TBC1D32: variants seen among roughly 807,000 people sequenced by gnomAD.
TBC1D32 encodes the protein protein broad-minded.
A neutral mutation model predicts 170.3 loss-of-function variants in TBC1D32; 151 were observed. The ratio of observed to expected loss-of-function variants is 0.89; its 90% CI spans 0.78 to 1.01. The LOEUF (loss-of-function observed/expected upper bound fraction) is 1.01, where lower values mean the gene tolerates loss of function less well. Ranked by LOEUF, TBC1D32 falls within the 50% of genes least tolerant of loss-of-function variation. The probability of loss-of-function intolerance (pLI) is 0.00; values close to 1 mark genes in which losing one functional copy is unlikely to be tolerated. For missense variants in TBC1D32, 1,464 were observed against 1,457.1 expected (o/e 1.00, Z -0.08); for synonymous variants, 498 against 488.0 (o/e 1.02, Z -0.27).
At chr6:121,249,064 C>T (rs989704145) in intron 17 of TBC1D32, among the ~76,000 whole-genome samples, 1 of 151,752 alleles carries the variant, frequency 6.6e-6, no homozygotes, top group Non-Finnish European at 1.5e-5. Flanking sequence ...ATAATACTTG[C>T]TAATCAAATC....
intron 21 of TBC1D32, among the ~76,000 whole-genome samples, chr6:121,216,185 C>T (rs901094208): frequency 8.5e-5 from 13 of 152,154 alleles, no homozygotes; most frequent in African/African-American, 2.7e-4. Flanking sequence ...ATAAAGCAGG[C>T]AGAAAAACAT....
intron 26 of TBC1D32, among the ~76,000 whole-genome samples, chr6:121,122,701 T>C (rs1780394776): frequency 1.3e-5 from 2 of 152,138 alleles, no homozygotes; most frequent in Non-Finnish European, 2.9e-5. Flanking sequence ...ACTTACTGAA[T>C]ATTCTACTTA....
chr6:121,207,321 G>C (rs1792405665), intron 21 of TBC1D32, among the ~76,000 whole-genome samples: 1 of 152,098 alleles, frequency 6.6e-6, no homozygotes, highest in South Asian at 2.1e-4. Flanking sequence ...ATATAATGCA[G>C]AGCTCAAACT....
chr6:121,325,485 C>G (rs1320153610), intron 1 of TBC1D32, among the ~76,000 whole-genome samples: 1 of 152,150 alleles, frequency 6.6e-6, no homozygotes, highest in Non-Finnish European at 1.5e-5. Flanking sequence ...GTAAAACCAT[C>G]TGATCTTTGA....
Position 121,131,673 on chromosome 6 carries a change from T to C in TBC1D32, c.2853A>G (p.Gln951=). The change falls in exon 25 of 32, where the codon CAA becomes CAG. Residue 951 remains glutamine, a synonymous_variant. Transcript: ENST00000398212. The stretch of plus-strand genomic sequence containing the variant: ...GTTTGGCTTTCATCATTTTGCAAAA[T>C]TGTCTTTGGCAGTTTTCTATCCATT... ...QTEWIENCQR[Q]FCKMMKAKPD... The C allele has an allele frequency of 2.5e-6, 4 of 1,611,868 alleles. No homozygotes were observed. The highest frequency in any genetic ancestry group is 3.4e-6 in the Non-Finnish European group (4 of 1,178,818).
intron 24 of TBC1D32, among the ~76,000 whole-genome samples, chr6:121,153,106 T>C (rs778430323): frequency 6.6e-6 from 1 of 152,220 alleles, no homozygotes; most frequent in Non-Finnish European, 1.5e-5. Flanking sequence ...TTGTTGGCTT[T>C]TTTTTACTGG....
At chr6:121,087,068 G>A (rs189825770) in intron 31 of TBC1D32, among the ~76,000 whole-genome samples, 17 of 152,176 alleles carry the variant, frequency 1.1e-4, no homozygotes, top group African/African-American at 3.1e-4. Context: ...CTTCTAGCTC[G>A]GTACTAATCC....
intron 26 of TBC1D32, among the ~76,000 whole-genome samples, chr6:121,124,071 C>A (rs1344446933): frequency 6.6e-6 from 1 of 151,906 alleles, no homozygotes; most frequent in Non-Finnish European, 1.5e-5. Context: ...TTGTAGTTAT[C>A]AGTTTTTAAT....
intron 22 of TBC1D32, among the ~76,000 whole-genome samples, chr6:121,185,067 T>C (rs1789013783): frequency 6.6e-6 from 1 of 151,902 alleles, no homozygotes; most frequent in South Asian, 2.1e-4. Flanking sequence ...TTTTTAATTC[T>C]GAGCCCCTGA....
intron 26 of TBC1D32, among the ~76,000 whole-genome samples, chr6:121,125,762 T>C (rs571115910): frequency 6.6e-6 from 1 of 152,266 alleles, no homozygotes; most frequent in Admixed American, 6.5e-5. Flanking sequence ...GAGAGACATG[T>C]CTCAGCTCAG....
At chr6:121,301,909 C>T (rs1806536612) in intron 9 of TBC1D32, among the ~76,000 whole-genome samples, 2 of 151,824 alleles carry the variant, frequency 1.3e-5, no homozygotes, top group Non-Finnish European at 2.9e-5. Context: ...GGATTACAGG[C>T]GTGACCCACC....
intron 20 of TBC1D32, among the ~76,000 whole-genome samples, chr6:121,230,688 T>C (rs76077127): frequency 0.024 from 3,651 of 151,728 alleles, 163 homozygotes; most frequent in East Asian, 0.12. Flanking sequence ...TATATACACA[T>C]GTGTGTATAT....
rs950265526 is a variant in TBC1D32, at chr6:121,153,843, C to T, written c.2773+6167G>A. Reference sequence around the variant, plus strand: ...TTAATAAGGTGGATGCCCCTCCCACCACCAAGCTTGCGTATACCAGGTCGA... The same window carrying T: ...TTAATAAGGTGGATGCCCCTCCCACTACCAAGCTTGCGTATACCAGGTCGA... On this transcript the variant is annotated intron_variant, in intron 24 of 31. Coordinates refer to ENST00000398212, the MANE Select transcript of TBC1D32 (RefSeq NM_152730.6). Among the ~76,000 whole-genome samples, 6 of 152,110 alleles carry T rather than the reference C, an allele frequency of 3.9e-5. No individual in the cohort carries two copies. In the East Asian group the frequency reaches 5.9e-4, roughly 15 times the overall value.
chr6:121,147,613 A>C (rs1783632438), intron 24 of TBC1D32, among the ~76,000 whole-genome samples: 1 of 151,578 alleles, frequency 6.6e-6, no homozygotes, highest in African/African-American at 2.4e-5. Context: ...TTTTTTTGAG[A>C]CGGAGTCTTG....
At chr6:121,180,594 A>G (rs2128271570) in intron 22 of TBC1D32, among the ~76,000 whole-genome samples, 1 of 152,288 alleles carries the variant, frequency 6.6e-6, no homozygotes, top group African/African-American at 2.4e-5. Context: ...TAAAGGCTTA[A>G]AGACCTAAAT....
chr6:121,206,415 GT>G (rs1792283469), intron 21 of TBC1D32, among the ~76,000 whole-genome samples: 1 of 151,942 alleles, frequency 6.6e-6, no homozygotes, highest in Non-Finnish European at 1.5e-5. Context: ...AAGAAGAAAG[GT>G]TTTGCTAGGG....
At chr6:121,259,878 C>T (rs1388167527) in intron 15 of TBC1D32, among the ~76,000 whole-genome samples, 1 of 152,132 alleles carries the variant, frequency 6.6e-6, no homozygotes, top group African/African-American at 2.4e-5. Context: ...ACATTTCATG[C>T]AGCTAACCCA....
At chr6:121,315,178 C>T (rs1329603800) in intron 3 of TBC1D32, among the ~76,000 whole-genome samples, 1 of 152,136 alleles carries the variant, frequency 6.6e-6, no homozygotes, top group Non-Finnish European at 1.5e-5. Flanking sequence ...CTCAAAGTCC[C>T]CCTCTCACTA....
At chr6:121,183,838 T>G (rs747697277) in intron 22 of TBC1D32, among the ~76,000 whole-genome samples, 1 of 151,870 alleles carries the variant, frequency 6.6e-6, no homozygotes, top group Non-Finnish European at 1.5e-5. Flanking sequence ...CTCACAGCAA[T>G]AAAAAAACTA....
Sources: allele counts gnomAD v4.1 joint callset (sites outside exome capture counted in the v4.1 genomes callset), GRCh38; gene constraint gnomAD v4.1.1; transcripts MANE v1.5; gene names NCBI Gene and HGNC (gene_info 2026-07-23, HGNC 2026-07-21).